KCNN3: variants seen among roughly 807,000 people sequenced by gnomAD.
KCNN3 encodes small conductance calcium-activated potassium channel protein 3.
Under a neutral mutation model 62.9 loss-of-function variants are expected in KCNN3, and 16 were observed. The observed-to-expected ratio is 0.25, with a 90% CI of 0.17 to 0.39. The LOEUF (loss-of-function observed/expected upper bound fraction) is 0.39. Ranked by LOEUF, KCNN3 falls within the 10% of genes least tolerant of loss-of-function variation. The pLI is 1.00. For synonymous variants in KCNN3, 370 were observed against 389.2 expected (o/e 0.95, Z 0.58); for missense variants, 599 against 949.4 (o/e 0.63, Z 4.85).
At chr1:154,781,467 AACAG>A (rs1283365714) in intron 2 of KCNN3, among the ~76,000 whole-genome samples, 1 of 152,208 alleles carries the variant, frequency 6.6e-6, no homozygotes, top group Non-Finnish European at 1.5e-5. Context: ...CAACATGGGA[AACAG>A]ACAAATTCAG....
chr1:154,862,805 C>T lies in KCNN3; in HGVS notation c.933+6227G>A, dbSNP rs188135956. Among the ~76,000 whole-genome samples, 384 of 152,232 alleles carry T rather than the reference C, an allele frequency of 2.5e-3. 2 individuals carry two copies. The highest frequency in any genetic ancestry group is 0.017 in the South Asian group (80 of 4,828). On this transcript the variant is annotated intron_variant, in intron 1 of 7. Transcript: ENST00000271915. The surrounding 1 kb of genome is among the most constrained non-coding windows in gnomAD (Gnocchi z 4.1). The stretch of plus-strand genomic sequence containing the variant: ...TCCATCAAGCCCTTCCTGCCCAGCT[C>T]GTGGTAAAGTTCCTCCTGTTCCAAC...
intron 3 of KCNN3, among the ~76,000 whole-genome samples, chr1:154,756,581 G>A (rs1647721635): frequency 1.3e-5 from 2 of 152,018 alleles, no homozygotes; most frequent in Admixed American, 1.3e-4. Flanking sequence ...CTTCTCAGAA[G>A]GCTCACCCTC....
At chr1:154,719,797 C>G (rs918194347) in intron 5 of KCNN3, among the ~76,000 whole-genome samples, 3 of 152,114 alleles carry the variant, frequency 2.0e-5, no homozygotes, top group Admixed American at 6.5e-5. Context: ...CTTTCATCAC[C>G]CTGCTTGCAC....
chr1:154,756,067 G>C (rs1360513227), intron 3 of KCNN3, among the ~76,000 whole-genome samples: 3 of 134,864 alleles, frequency 2.2e-5, no homozygotes, highest in Admixed American at 2.2e-4. Flanking sequence ...GGAAGAGGAA[G>C]AAGAAGGAGG....
intron 2 of KCNN3, among the ~76,000 whole-genome samples, chr1:154,787,780 G>A (rs115984625): frequency 5.3e-5 from 8 of 152,130 alleles, no homozygotes; most frequent in Non-Finnish European, 1.0e-4. Context: ...CTAAACCCCC[G>A]TTTGGATATC....
chr1:154,708,642 C>A (rs2101755135), intron 7 of KCNN3, among the ~76,000 whole-genome samples: 1 of 152,046 alleles, frequency 6.6e-6, no homozygotes, highest in South Asian at 2.1e-4. Context: ...AGAGAAGACG[C>A]TGGTGGGGAA....
intron 1 of KCNN3, among the ~76,000 whole-genome samples, chr1:154,838,689 C>T (rs539688097): frequency 1.3e-5 from 2 of 152,314 alleles, no homozygotes; most frequent in African/African-American, 2.4e-5. Flanking sequence ...CTGCCTCCGC[C>T]TCTGCGCTTC....
intron 1 of KCNN3, among the ~76,000 whole-genome samples, chr1:154,843,488 T>C (rs1189054710): frequency 2.0e-5 from 3 of 152,046 alleles, no homozygotes; most frequent in Admixed American, 1.3e-4. Context: ...CTGGCTATGT[T>C]GTCCTGGCCT....
At chr1:154,741,749 C>CATGATAT (rs2101802764) in intron 3 of KCNN3, among the ~76,000 whole-genome samples, 2 of 150,426 alleles carry the variant, frequency 1.3e-5, no homozygotes, top group East Asian at 3.9e-4. Flanking sequence ...CATGGATCTA[C>CATGATAT]ATGATATGAC....
chr1:154,850,814 C>T (rs1026236126), intron 1 of KCNN3, among the ~76,000 whole-genome samples: 4 of 152,210 alleles, frequency 2.6e-5, no homozygotes, highest in Admixed American at 1.3e-4. Context: ...ACTGGGGGAG[C>T]TTCTGAGCAT....
intron 2 of KCNN3, among the ~76,000 whole-genome samples, chr1:154,807,393 T>G (rs907074555): frequency 6.6e-6 from 1 of 152,154 alleles, no homozygotes; most frequent in Non-Finnish European, 1.5e-5. Flanking sequence ...GCCCCCGCAC[T>G]TCAACCTTTT....
intron 2 of KCNN3, among the ~76,000 whole-genome samples, chr1:154,776,839 C>T (rs905992186): frequency 1.3e-5 from 2 of 152,204 alleles, no homozygotes; most frequent in African/African-American, 4.8e-5. Flanking sequence ...GGCCCAGGCC[C>T]ACCCCAGGCC....
rs1571205099 is a variant in KCNN3, at chr1:154,714,975, C to T, written c.1730G>A (p.Arg577Gln). The change falls in exon 6 of 8, where the codon CGG becomes CAG. Residue 577 changes from arginine to glutamine, a missense_variant. By Grantham distance (43) the Arg-to-Gln change is conservative (BLOSUM62 1). Transcript: ENST00000271915. ...GTGTTTATAGATTAACCATGTTTCC[C>T]GAAGGACATTGGCTGCAGCATTCTT... ...RIKNAAANVL[R>Q]ETWLIYKHTK... 1.2e-6 allele frequency: 2 copies of T among 1,613,588 alleles called. No homozygotes were observed. The highest frequency in any genetic ancestry group is 1.7e-4 in the Middle Eastern group (1 of 6,058).
Position 154,708,008 on chromosome 1 carries a change from G to A in KCNN3, c.2164C>T (p.Pro722Ser). The A allele has an allele frequency of 6.2e-7, 1 of 1,613,592 alleles. No homozygotes were observed. Among genetic ancestry groups the A allele is most frequent in the East Asian group, 2.2e-5 (1 of 44,864 alleles). ...SPIGVSSTSF[P>S]TPYTSSSSC ...CTGCTTGAACTTGTGTACGGGGTCG[G>A]GAAGGAGGTGGAGCTGACCCCAATG... The change falls in exon 8 of 8, where the codon CCG becomes TCG. Residue 722 changes from proline to serine, a missense_variant. By Grantham distance (74) the Pro-to-Ser change is moderately conservative. This residue lies in a region of KCNN3 where 52 missense variants were observed against 53.3 expected (regional missense o/e 0.98). Transcript: ENST00000271915.
chr1:154,859,688 C>T (rs1439737187), intron 1 of KCNN3: 3 of 1,613,770 alleles, frequency 1.9e-6, no homozygotes, highest in African/African-American at 1.3e-5. Flanking sequence ...CTGGGCAGGG[C>T]ACCCACCTTT....
intron 2 of KCNN3, among the ~76,000 whole-genome samples, chr1:154,804,278 C>T (rs1373077795): frequency 2.6e-5 from 4 of 152,278 alleles, no homozygotes; most frequent in Non-Finnish European, 5.9e-5. Context: ...ATTCACAACT[C>T]ATGAAATGAG....
intron 7 of KCNN3, among the ~76,000 whole-genome samples, chr1:154,711,148 G>A (rs1384216915): frequency 1.3e-5 from 2 of 151,788 alleles, no homozygotes; most frequent in African/African-American, 2.4e-5. Flanking sequence ...ATACACCATG[G>A]AATACTATGC....
Position 154,725,897 on chromosome 1 carries a change from T to G in KCNN3, c.1701+19A>C, listed in dbSNP as rs1206822748. ...GTGGCCTTAAGTCCCCCATAAGACA[T>G]GGCTGTGTGGCATCTTACCCGCTTG... On this transcript the variant is annotated intron_variant, in intron 5 of 7. Coordinates refer to ENST00000271915, the MANE Select transcript of KCNN3 (RefSeq NM_002249.6). The G allele has an allele frequency of 6.3e-7, 1 of 1,592,012 alleles. No homozygotes were observed. Among genetic ancestry groups the G allele is most frequent in the Admixed American group, 1.7e-5 (1 of 59,882 alleles).
At position 154,772,275 on chromosome 1, in the gene KCNN3, T is replaced by C. The variant is rs1361240179; in HGVS notation, c.1148A>G (p.Lys383Arg). ...CAIHPIPGEYKFFWTARLAFS... is the reference protein window; with the variant it reads ...CAIHPIPGEYRFFWTARLAFS... Reference sequence around the variant, plus strand: ...GGCCAGGCGTGCCGTCCAGAAGAACTTGTACTCGCCAGGAATGGGGTGGAT... The same window carrying C: ...GGCCAGGCGTGCCGTCCAGAAGAACCTGTACTCGCCAGGAATGGGGTGGAT... Residue 383 changes from lysine (K) to arginine (R), a missense_variant, in exon 3 of 8, where the codon AAG becomes AGG. Transcript: ENST00000271915. This position sits in a 1 kb window ranked among gnomAD's most constrained non-coding sequence, Gnocchi z 5.6. 3.7e-6 allele frequency: 6 copies of C among 1,614,198 alleles called. No individual in the cohort carries two copies. The highest frequency in any genetic ancestry group is 1.6e-4 in the Middle Eastern group (1 of 6,062).
Sources: allele counts gnomAD v4.1 joint callset (sites outside exome capture counted in the v4.1 genomes callset), GRCh38; gene constraint gnomAD v4.1.1; regional missense constraint gnomAD v4.1.1; non-coding constraint Gnocchi (gnomAD v3.1); transcripts MANE v1.5; gene names NCBI Gene and HGNC (gene_info 2026-07-23, HGNC 2026-07-21).